Variants in SUSD3 observed in about 807,000 individuals in gnomAD.
SUSD3 encodes sushi domain containing 3, also known as sushi domain-containing protein 3.
In SUSD3, 18 loss-of-function variants were observed where a neutral mutation model predicts 20.6. The observed-to-expected ratio is 0.87, with a 90% CI of 0.60 to 1.30. SUSD3 has a LOEUF of 1.30. Among genes scored for constraint, SUSD3 ranks in the 50% most tolerant of loss-of-function variants. SUSD3 has a pLI of 0.00. For missense variants in SUSD3, 306 were observed against 346.9 expected (o/e 0.88, Z 0.94); for synonymous variants, 137 against 141.5 (o/e 0.97, Z 0.23).
At chr9:93,084,433 T>C in intron 4 of SUSD3, 104 bp from the exon 5 acceptor site, 2 of 1,085,478 alleles carry the variant, frequency 1.8e-6, no homozygotes, top group African/African-American at 1.6e-5. Flanking sequence ...AGGGCAGCAG[T>C]TGCCCCAGGC....
At chr9:93,059,623 C>A (rs1207987325) in intron 1 of SUSD3, among the ~76,000 whole-genome samples, 2 of 152,152 alleles carry the variant, frequency 1.3e-5, no homozygotes, top group Non-Finnish European at 2.9e-5. Flanking sequence ...TGCCCACGAA[C>A]GTTAGGCCTG....
At chr9:93,076,226 C>T (rs941535270) in intron 2 of SUSD3, among the ~76,000 whole-genome samples, 34 of 152,238 alleles carry the variant, frequency 2.2e-4, no homozygotes, top group African/African-American at 2.4e-5. Flanking sequence ...GGCTCTGCTA[C>T]CGACTCAGCC....
At chr9:93,060,624 A>T (rs907867547) in intron 1 of SUSD3, among the ~76,000 whole-genome samples, 2 of 152,028 alleles carry the variant, frequency 1.3e-5, no homozygotes, top group East Asian at 1.9e-4. Context: ...TGAGTCCAGG[A>T]GCTCGAAACC....
At chr9:93,065,081 C>A (rs975009369) in intron 1 of SUSD3, among the ~76,000 whole-genome samples, 10 of 152,208 alleles carry the variant, frequency 6.6e-5, no homozygotes, top group Non-Finnish European at 1.0e-4. Context: ...GGTATGGCCA[C>A]CCCTTCCCTG....
intron 2 of SUSD3, among the ~76,000 whole-genome samples, chr9:93,076,752 G>A (rs1267331539): frequency 1.3e-5 from 2 of 152,234 alleles, no homozygotes; most frequent in Admixed American, 1.3e-4. Flanking sequence ...CTATGATGGA[G>A]CTCAACCTTC....
At chr9:93,081,424 G>A (rs112114551) in intron 4 of SUSD3, among the ~76,000 whole-genome samples, 3,961 of 152,194 alleles carry the variant, frequency 0.026, 169 homozygotes, top group African/African-American at 0.088. Context: ...TCCATGCCTC[G>A]GTTTCCTCAC....
chr9:93,069,030 AAT>A, intron 1 of SUSD3: 1 of 683,862 alleles, frequency 1.5e-6, no homozygotes, highest in Non-Finnish European at 2.7e-6. Flanking sequence ...TAAATATCTT[AAT>A]AGACGGTACT....
At chr9:93,069,026 T>A in intron 1 of SUSD3, 1 of 675,588 alleles carries the variant, frequency 1.5e-6, no homozygotes, top group South Asian at 1.6e-5. Flanking sequence ...TCTCTAAATA[T>A]CTTAATAGAC....
chr9:93,059,149 G>C (rs900868997), intron 1 of SUSD3, among the ~76,000 whole-genome samples: 1 of 152,116 alleles, frequency 6.6e-6, no homozygotes, highest in Non-Finnish European at 1.5e-5. Context: ...CAGGCTCCGG[G>C]CCCCTCCGCG....
intron 1 of SUSD3, chr9:93,068,988 TAAG>T (rs1485671383): frequency 1.0e-5 from 6 of 581,864 alleles, no homozygotes; most frequent in Admixed American, 5.7e-5. Context: ...TATATTATAA[TAAG>T]AGTAATGTGA....
chr9:93,065,680 C>T (rs1825681564), intron 1 of SUSD3, among the ~76,000 whole-genome samples: 1 of 152,242 alleles, frequency 6.6e-6, no homozygotes, highest in South Asian at 2.1e-4. Context: ...GCCAGAAGGA[C>T]AGTGCATATA....
intron 4 of SUSD3, among the ~76,000 whole-genome samples, chr9:93,083,406 A>G (rs541857061): frequency 1.3e-5 from 2 of 152,264 alleles, no homozygotes; most frequent in African/African-American, 4.8e-5. Flanking sequence ...GGGGCTGCCC[A>G]CCCCTCAGGC....
intron 1 of SUSD3, among the ~76,000 whole-genome samples, chr9:93,073,838 G>A (rs1053864978): frequency 1.3e-5 from 2 of 152,140 alleles, no homozygotes; most frequent in African/African-American, 2.4e-5. Flanking sequence ...TTTTGTGTGT[G>A]TGTCTGTGTG....
At chr9:93,072,964 G>A (rs1564189909) in intron 1 of SUSD3, among the ~76,000 whole-genome samples, 1 of 152,104 alleles carries the variant, frequency 6.6e-6, no homozygotes, top group Non-Finnish European at 1.5e-5. Flanking sequence ...TGGGCAGTAG[G>A]ACTTCCATTC....
chr9:93,064,288 T>C lies in SUSD3; in HGVS notation c.88+5458T>C, dbSNP rs879516421. On this transcript the variant is annotated intron_variant, in intron 1 of 4. Coordinates refer to ENST00000375472, the MANE Select transcript of SUSD3 (RefSeq NM_145006.4). ...GTCTTGATCTCCTGACCTTGTGATCTGCCCACCTTGGCCTCCCAAAGTGCT... is the reference window on the plus strand; with the variant it reads ...GTCTTGATCTCCTGACCTTGTGATCCGCCCACCTTGGCCTCCCAAAGTGCT... Among the ~76,000 whole-genome samples, 9 of 152,220 alleles carry C rather than the reference T, an allele frequency of 5.9e-5. No homozygotes were observed. In the East Asian group the frequency reaches 1.3e-3, roughly 23 times the overall value.
At chr9:93,058,860 G>A (rs1825386415) in intron 1 of SUSD3, 30 bp downstream of exon 1, 2 of 1,219,436 alleles carry the variant, frequency 1.6e-6, no homozygotes, top group African/African-American at 1.6e-5. Flanking sequence ...GGCCGCGTGC[G>A]GGGCTCTGCG....
At chr9:93,063,035 G>A (rs1472675558) in intron 1 of SUSD3, among the ~76,000 whole-genome samples, 1 of 152,230 alleles carries the variant, frequency 6.6e-6, no homozygotes, top group East Asian at 1.9e-4. Context: ...GCAGCCAGGG[G>A]CCTTGGGCAG....
At chr9:93,070,959 C>G (rs1035194862) in intron 1 of SUSD3, among the ~76,000 whole-genome samples, 1 of 152,170 alleles carries the variant, frequency 6.6e-6, no homozygotes, top group Non-Finnish European at 1.5e-5. Flanking sequence ...GAATCCCAAG[C>G]GCTAAATAGG....
At chr9:93,071,739 G>C (rs536518388) in intron 1 of SUSD3, among the ~76,000 whole-genome samples, 2 of 152,336 alleles carry the variant, frequency 1.3e-5, no homozygotes, top group South Asian at 4.1e-4. Flanking sequence ...GCCAGGTTCA[G>C]TCACGTGACT....
Sources: gnomAD v4.1 joint callset for allele counts (sites outside exome capture counted in the v4.1 genomes callset) on GRCh38, gnomAD v4.1.1 for gene constraint, MANE v1.5 for transcripts, NCBI Gene and HGNC (gene_info 2026-07-23, HGNC 2026-07-21) for gene names.